Variants in PARVG observed in about 807,000 individuals in gnomAD.
The protein encoded by PARVG is gamma-parvin.
PARVG carries 36 observed loss-of-function variants against 44.4 expected under a neutral mutation model. The observed-to-expected ratio is 0.81, with a 90% CI of 0.62 to 1.07. PARVG has a LOEUF of 1.07. Among genes scored for constraint, PARVG ranks in the 50% least tolerant of loss-of-function variants. The probability of loss-of-function intolerance (pLI) is 0.00; values close to 1 mark genes in which losing one functional copy is unlikely to be tolerated. For missense variants in PARVG, 407 were observed against 407.4 expected (o/e 1.00, Z 0.01); for synonymous variants, 170 against 174.1 (o/e 0.98, Z 0.19).
chr22:44,196,857 C>G (rs1228491166), intron 11 of PARVG, among the ~76,000 whole-genome samples: 1 of 152,122 alleles, frequency 6.6e-6, no homozygotes, highest in African/African-American at 2.4e-5. Context: ...CCCTGAGGAG[C>G]CCAGCCCCTC....
rs1250150816 is a variant in PARVG at position 44,182,505 on chromosome 22, G to T, written c.-13+588G>T. On this transcript the variant is annotated intron_variant, in intron 2 of 13. Transcript: ENST00000444313. The surrounding 1 kb of genome is among the most constrained non-coding windows in gnomAD (Gnocchi z 4.6). ...GCTGGCTGCTGGTGTGACATGGGTG[G>T]CTCCAGTCGAGTGAATGCCTCCGTC... Among the ~76,000 whole-genome samples, 1 of 152,132 alleles carries T rather than the reference G, an allele frequency of 6.6e-6. No individual in the cohort carries two copies. Among genetic ancestry groups the T allele is most frequent in the Non-Finnish European group, 1.5e-5 (1 of 67,990 alleles).
intron 4 of PARVG, chr22:44,186,301 A>C: frequency 3.1e-6 from 1 of 327,718 alleles, no homozygotes. Context: ...AGAACTGGTG[A>C]GGTGGTGGTG....
In PARVG at chr22:44,196,396, T is replaced by G. The variant is rs748204317; in HGVS notation, c.692T>G (p.Val231Gly). 5 of 1,614,196 alleles carry G rather than the reference T, an allele frequency of 3.1e-6. No homozygotes were observed. The South Asian group carries it at 4.4e-5, about 14-fold the overall frequency. The change falls in exon 11 of 14, where the codon GTG (valine) becomes GGG (glycine). Residue 231 changes from valine (V) to glycine (G), a missense_variant. Coordinates refer to ENST00000444313, the MANE Select transcript of PARVG (RefSeq NM_022141.7). Reference protein sequence around the residue: ...NQKLDRLGLSVQNLDTQFADG... With the variant: ...NQKLDRLGLSGQNLDTQFADG... ...AAGCTGGACCGCCTGGGCCTGTCTG[T>G]GCAGAATCTGGACACCCAGGTAGGG...
upstream of PARVG, among the ~76,000 whole-genome samples, chr22:44,180,677 C>T (rs1241267551): frequency 6.6e-6 from 1 of 152,150 alleles, no homozygotes; most frequent in African/African-American, 2.4e-5. Context: ...AAAATGAAAG[C>T]CCTTAAAATT....
Position 44,206,707 on chromosome 22 carries a change from C to T in PARVG, c.*281C>T. On this transcript the variant is annotated 3_prime_UTR_variant, in exon 14 of 14. Coordinates refer to ENST00000444313, the MANE Select transcript of PARVG (RefSeq NM_022141.7). Reference sequence around the variant, plus strand: ...GAGGGCCCTTAAACCTGCAGCCTCCCTCCCATGGGGTGAGTGTGTGTCACA... The same window carrying T: ...GAGGGCCCTTAAACCTGCAGCCTCCTTCCCATGGGGTGAGTGTGTGTCACA... The T allele has an allele frequency of 2.3e-6, 1 of 429,598 alleles. No homozygotes were observed. The allele number at this position is 429,598 out of a possible 1,614,324, so 26.6% of individuals were successfully genotyped here.
intron 12 of PARVG, among the ~76,000 whole-genome samples, chr22:44,200,503 G>A (rs528808798): frequency 6.6e-6 from 1 of 152,316 alleles, no homozygotes; most frequent in Admixed American, 6.5e-5. Context: ...CTCACAGGAG[G>A]TGACATTGGA....
At chr22:44,173,415 C>A (rs891300598) in intron 1 of PARVG, among the ~76,000 whole-genome samples, 1 of 152,120 alleles carries the variant, frequency 6.6e-6, no homozygotes, top group Non-Finnish European at 1.5e-5. Flanking sequence ...TCCGTGCTGG[C>A]CCTGCCATAA....
rs191138773 is a variant in PARVG, at chr22:44,181,361, G to A, written c.-189+176G>A. 1,015 of 985,522 alleles carry A rather than the reference G, an allele frequency of 1.0e-3. 9 individuals are homozygous for A. The African/African-American group carries it at 0.016, about 16-fold the overall frequency. The allele number at this position is 985,522 out of a possible 1,614,324, so 61.0% of individuals were successfully genotyped here. A position where few individuals can be genotyped will look rare whatever the true frequency, so the allele number is the denominator to read the frequency against. On this transcript the variant is annotated intron_variant, in intron 1 of 13. Coordinates refer to ENST00000444313, the MANE Select transcript of PARVG (RefSeq NM_022141.7). ...AGGGGGCGTGGGGAAGTCTGCAGCC[G>A]AGAGTCCAGGTAGGAGTCTCCTGCG...
intron 12 of PARVG, 121 bp downstream of exon 12, chr22:44,198,843 T>G (rs972888320): frequency 8.3e-6 from 6 of 722,088 alleles, no homozygotes; most frequent in African/African-American, 7.1e-5. Flanking sequence ...GAAGCTTATT[T>G]GTCTATATGT....
Position 44,189,125 on chromosome 22 carries a change from G to A in PARVG, c.259G>A (p.Ala87Thr). 1 of 1,613,788 alleles carries A rather than the reference G, an allele frequency of 6.2e-7. No individual in the cohort carries two copies. Among genetic ancestry groups the A allele is most frequent in the Non-Finnish European group, 8.5e-7 (1 of 1,180,008 alleles). ...ILHHLFQRLAALKLEAEDIAL... is the reference protein window; with the variant it reads ...ILHHLFQRLATLKLEAEDIAL... ...TCTCCTGCCTCCAGAGAGGCTGGCG[G>A]CGCTCAAGCTGGAAGCAGAGGACAT... Residue 87 changes from alanine (A) to threonine (T), a missense_variant, in exon 6 of 14, where the codon GCG (alanine) becomes ACG (threonine). By Grantham distance (58) the Ala-to-Thr change is moderately conservative. Transcript: ENST00000444313.
Position 44,183,403 on chromosome 22 carries a change from C to T in PARVG, c.74C>T (p.Ser25Leu). 9.4e-6 allele frequency: 15 copies of T among 1,601,570 alleles called. No individual in the cohort carries two copies. The highest frequency in any genetic ancestry group is 1.3e-5 in the Non-Finnish European group (15 of 1,176,200). The change falls in exon 3 of 14, where the codon TCA becomes TTA. Residue 25 changes from serine (S) to leucine (L), a missense_variant. Coordinates refer to ENST00000444313, the MANE Select transcript of PARVG (RefSeq NM_022141.7). ...GVEPPAEEEL[S>L]KGGKKKYLPP... is the part of the protein sequence containing the mutation. ...GAGCCCCCAGCGGAGGAGGAGCTCT[C>T]AAAAGGTGTGTGCCCACGCAGGTCT...
chr22:44,195,958 C>T (rs530292584), intron 9 of PARVG, 197 bp from the exon 10 acceptor site: 21 of 596,780 alleles, frequency 3.5e-5, no homozygotes, highest in East Asian at 5.8e-5. Context: ...CAGAGAGAGA[C>T]GGTGACTCCC....
intron 8 of PARVG, 170 bp downstream of exon 8, chr22:44,192,274 A>G: frequency 1.4e-6 from 1 of 704,032 alleles, no homozygotes; most frequent in Non-Finnish European, 2.3e-6. Context: ...CCACGGCAGC[A>G]CACAGGACCC....
intron 11 of PARVG, among the ~76,000 whole-genome samples, chr22:44,197,970 T>C (rs533904523): frequency 6.6e-6 from 1 of 152,318 alleles, no homozygotes; most frequent in Non-Finnish European, 1.5e-5. Context: ...TTAGAGACTG[T>C]TCAATAAAAT....
At chr22:44,202,612 T>G (rs1479752264) in intron 12 of PARVG, among the ~76,000 whole-genome samples, 2 of 152,222 alleles carry the variant, frequency 1.3e-5, no homozygotes, top group East Asian at 3.8e-4. Context: ...CAAGAATGAA[T>G]TTTTACAGCA....
At position 44,196,143 on chromosome 22, in the gene PARVG, CTG is replaced by C. The variant is rs2054613948; in HGVS notation, c.584-8_584-7del. On this transcript the variant is annotated splice_polypyrimidine_tract_variant and intron_variant, in intron 9 of 13. Coordinates refer to ENST00000444313, the MANE Select transcript of PARVG (RefSeq NM_022141.7). ...CATCGTAATGAGGTGTTTATTGGAT[CTG>C]TGTCTGCAGAGGACGTCTTTGATGA... is the stretch of plus-strand genomic sequence containing the variant. The C allele has an allele frequency of 6.2e-7, 1 of 1,614,086 alleles. No homozygotes were observed. Among genetic ancestry groups the C allele is most frequent in the East Asian group, 2.2e-5 (1 of 44,888 alleles).
upstream of PARVG, among the ~76,000 whole-genome samples, chr22:44,179,215 C>T (rs1164586021): frequency 6.6e-6 from 1 of 152,114 alleles, no homozygotes; most frequent in Non-Finnish European, 1.5e-5. This position sits in a 1 kb window ranked among gnomAD's most constrained non-coding sequence, Gnocchi z 4.2. Flanking sequence ...CTCCATGTTA[C>T]TCTTCCAATT....
chr22:44,181,246 A>G, intron 1 of PARVG, 61 bp downstream of exon 1: 1 of 730,208 alleles, frequency 1.4e-6, no homozygotes, highest in Non-Finnish European at 1.7e-6. Flanking sequence ...TTTAAGAGCT[A>G]TTGGGTGCCG....
intron 13 of PARVG, 27 bp from the exon 14 acceptor site, chr22:44,206,290 G>A (rs1464796793): frequency 6.4e-7 from 1 of 1,565,002 alleles, no homozygotes; most frequent in Non-Finnish European, 8.8e-7. Flanking sequence ...GGCCTGACTG[G>A]CTGCCCTGCC....
Sources: gnomAD v4.1 joint callset for allele counts (sites outside exome capture counted in the v4.1 genomes callset) on GRCh38, gnomAD v4.1.1 for gene constraint, Gnocchi (gnomAD v3.1) non-coding constraint, MANE v1.5 for transcripts, NCBI Gene and HGNC (gene_info 2026-07-23, HGNC 2026-07-21) for gene names.